Variants in SLC35F1 observed in about 807,000 individuals in gnomAD.
The protein encoded by SLC35F1 is solute carrier family 35 member F1, also known as chromosome 6 open reading frame 169.
In SLC35F1, 14 loss-of-function variants were observed where a neutral mutation model predicts 48.7. The observed-to-expected ratio is 0.29, with a 90% confidence interval of 0.19 to 0.45. SLC35F1 has a LOEUF of 0.45. Among genes scored for constraint, SLC35F1 ranks in the 20% least tolerant of loss-of-function variants. SLC35F1 has a pLI of 1.00. For missense variants in SLC35F1, 404 were observed against 500.0 expected (o/e 0.81, Z 1.83); for synonymous variants, 190 against 202.2 (o/e 0.94, Z 0.51).
chr6:118,079,532 T>C (rs907890328), intron 1 of SLC35F1, among the ~76,000 whole-genome samples: 1 of 152,192 alleles, frequency 6.6e-6, no homozygotes, highest in African/African-American at 2.4e-5. Context: ...GAACTGGAAT[T>C]GCTGGATAGG....
In SLC35F1 at chr6:118,157,532, C is replaced by T. The variant is rs529522721; in HGVS notation, c.349+2912C>T. ...AAGCTGAGGAGCAAGGAAGCCAGTC[C>T]GAATCCCAAAACTTCAAAAGTAGGG... On this transcript the variant is annotated intron_variant, in intron 2 of 7. Coordinates refer to ENST00000360388, the MANE Select transcript of SLC35F1 (RefSeq NM_001029858.4). 1.9e-4 allele frequency among the ~76,000 whole-genome samples: 29 copies of T among 152,248 alleles called. No homozygotes were observed. The East Asian group carries it at 4.1e-3, about 21-fold the overall frequency.
chr6:118,089,495 T>C (rs1046653194), intron 1 of SLC35F1, among the ~76,000 whole-genome samples: 1 of 152,216 alleles, frequency 6.6e-6, no homozygotes, highest in Non-Finnish European at 1.5e-5. Context: ...ATAATACTAT[T>C]AATTTCTATT....
intron 1 of SLC35F1, among the ~76,000 whole-genome samples, chr6:117,987,190 A>C (rs182873848): frequency 6.6e-6 from 1 of 151,990 alleles, no homozygotes; most frequent in Non-Finnish European, 1.5e-5. Flanking sequence ...CTATCCACTC[A>C]TCTCTTTGTG....
intron 1 of SLC35F1, among the ~76,000 whole-genome samples, chr6:117,945,082 G>A (rs2114822786): frequency 6.6e-6 from 1 of 152,316 alleles, no homozygotes; most frequent in Non-Finnish European, 1.5e-5. Context: ...ATGATAATAA[G>A]TTACATATAT....
chr6:118,003,594 A>G (rs1427408531), intron 1 of SLC35F1, among the ~76,000 whole-genome samples: 2 of 152,168 alleles, frequency 1.3e-5, no homozygotes, highest in Non-Finnish European at 2.9e-5. Context: ...ATGGAAAGAG[A>G]AAGTTTAAAT....
chr6:118,224,816 C>G (rs1471007924), intron 2 of SLC35F1, among the ~76,000 whole-genome samples: 2 of 151,922 alleles, frequency 1.3e-5, no homozygotes, highest in Non-Finnish European at 2.9e-5. Flanking sequence ...GGTGGAGTCT[C>G]TAGTTTTTTC....
intron 1 of SLC35F1, among the ~76,000 whole-genome samples, chr6:118,140,109 G>A (rs558445735): frequency 8.6e-4 from 131 of 152,200 alleles, no homozygotes; most frequent in Non-Finnish European, 1.3e-3. Context: ...CTGTGTGCCC[G>A]TGAAGAGTCT....
At chr6:118,313,549 T>G (rs963298547) in intron 7 of SLC35F1, among the ~76,000 whole-genome samples, 2 of 152,184 alleles carry the variant, frequency 1.3e-5, no homozygotes, top group Non-Finnish European at 2.9e-5. Context: ...AGACAAATAG[T>G]GTCTGAATTG....
Position 118,242,998 on chromosome 6 carries a change from A to G in SLC35F1, c.477+7362A>G, listed in dbSNP as rs1011583334. On this transcript the variant is annotated intron_variant, in intron 3 of 7. Transcript: ENST00000360388. ...GGAGGTAATCCTTCCAACACTGATT[A>G]TTTTATTTTCTGCACCACTCCTCTG... Among the ~76,000 whole-genome samples the G allele has an allele frequency of 2.6e-5, 4 of 152,154 alleles. No individual in the cohort carries two copies. The East Asian group carries it at 7.7e-4, about 29-fold the overall frequency.
intron 1 of SLC35F1, among the ~76,000 whole-genome samples, chr6:117,926,497 A>AGTGT (rs141230063): frequency 1.3e-5 from 2 of 151,590 alleles, no homozygotes; most frequent in South Asian, 2.1e-4. Context: ...TTAAAAGAGG[A>AGTGT]GTGTGTGTGT....
At chr6:118,100,579 TC>T (rs1773242397) in intron 1 of SLC35F1, among the ~76,000 whole-genome samples, 2 of 152,094 alleles carry the variant, frequency 1.3e-5, no homozygotes, top group African/African-American at 2.4e-5. Context: ...ATTGGCAAAG[TC>T]TAGGGGGGTT....
intron 1 of SLC35F1, among the ~76,000 whole-genome samples, chr6:118,088,585 C>A (rs1773025877): frequency 6.6e-6 from 1 of 152,104 alleles, no homozygotes; most frequent in African/African-American, 2.4e-5. Flanking sequence ...ATTTAATAAG[C>A]ACCACTTGTA....
intron 1 of SLC35F1, among the ~76,000 whole-genome samples, chr6:118,129,955 C>T (rs934023310): frequency 1.3e-5 from 2 of 152,158 alleles, no homozygotes; most frequent in Non-Finnish European, 2.9e-5. Flanking sequence ...TGCTAGGTTG[C>T]CTGTGGTCTC....
intron 1 of SLC35F1, among the ~76,000 whole-genome samples, chr6:118,003,438 G>A (rs375239877): frequency 6.6e-6 from 1 of 152,206 alleles, no homozygotes; most frequent in East Asian, 1.9e-4. Context: ...GCAACCTGCC[G>A]GCTGTGGTCT....
intron 7 of SLC35F1, among the ~76,000 whole-genome samples, chr6:118,292,722 A>T (rs1253691830): frequency 1.3e-5 from 2 of 151,368 alleles, no homozygotes; most frequent in Non-Finnish European, 2.9e-5. Flanking sequence ...CTTGGAAAAA[A>T]TCCATTCCTT....
chr6:118,172,516 A>C (rs1013362150), intron 2 of SLC35F1, among the ~76,000 whole-genome samples: 18 of 152,132 alleles, frequency 1.2e-4, no homozygotes, highest in Non-Finnish European at 2.2e-4. Context: ...AGGAATCCCA[A>C]ATCTGTGTAA....
At chr6:118,222,745 G>A (rs1775167117) in intron 2 of SLC35F1, among the ~76,000 whole-genome samples, 1 of 152,152 alleles carries the variant, frequency 6.6e-6, no homozygotes, top group Admixed American at 6.5e-5. Context: ...CTAATTCATG[G>A]ATTTAAACAT....
At chr6:118,029,228 T>C (rs1582627453) in intron 1 of SLC35F1, among the ~76,000 whole-genome samples, 2 of 152,198 alleles carry the variant, frequency 1.3e-5, no homozygotes, top group Non-Finnish European at 2.9e-5. Context: ...GAAAAAGTCA[T>C]TGGTGATCTT....
intron 1 of SLC35F1, among the ~76,000 whole-genome samples, chr6:118,070,163 A>G (rs200991414): frequency 6.6e-6 from 1 of 151,040 alleles, no homozygotes; most frequent in South Asian, 2.1e-4. Flanking sequence ...AAAAAAAAAA[A>G]GAATGTTCAT....
Sources: gnomAD v4.1 joint callset for allele counts (sites outside exome capture counted in the v4.1 genomes callset) on GRCh38, gnomAD v4.1.1 for gene constraint, MANE v1.5 for transcripts, NCBI Gene and HGNC (gene_info 2026-07-23, HGNC 2026-07-21) for gene names.